Variants in ZSCAN25 observed in about 807,000 individuals in gnomAD.
ZSCAN25 encodes zinc finger and SCAN domain-containing protein 25.
A neutral mutation model predicts 38.7 loss-of-function variants in ZSCAN25; 27 were observed. The ratio of observed to expected loss-of-function variants is 0.70; its 90% CI spans 0.51 to 0.96. The LOEUF (loss-of-function observed/expected upper bound fraction) is 0.96. Among genes scored for constraint, ZSCAN25 ranks in the 40% least tolerant of loss-of-function variants. ZSCAN25 has a pLI of 0.00. For missense variants in ZSCAN25, 637 were observed against 705.9 expected (o/e 0.90, Z 1.11); for synonymous variants, 273 against 277.7 (o/e 0.98, Z 0.17).
At chr7:99,667,415 G>A in the ZSCAN25 span, among the ~76,000 whole-genome samples, 2 of 152,218 alleles carry the variant, frequency 1.3e-5, no homozygotes, top group Non-Finnish European at 2.9e-5. Flanking sequence ...GAGTAGAAAA[G>A]GATTGGTGAC....
At chr7:99,688,852 G>A in the ZSCAN25 span, among the ~76,000 whole-genome samples, 14 of 152,212 alleles carry the variant, frequency 9.2e-5, no homozygotes, top group African/African-American at 3.1e-4. Context: ...TAGAACTCAG[G>A]ATTAAGAAGC....
At chr7:99,628,909 G>T (rs1807728013) in intron 7 of ZSCAN25, among the ~76,000 whole-genome samples, 1 of 152,210 alleles carries the variant, frequency 6.6e-6, no homozygotes, top group Admixed American at 6.5e-5. Context: ...AATAATCGTG[G>T]TGAGTGTCTT....
At chr7:99,653,492 G>A in the ZSCAN25 span, among the ~76,000 whole-genome samples, 3 of 122,632 alleles carry the variant, frequency 2.4e-5, 1 homozygote, top group Non-Finnish European at 5.0e-5. The surrounding 1 kb of genome is among the most constrained non-coding windows in gnomAD (Gnocchi z 4.2). Context: ...TAAATTTGTG[G>A]ATAAACTTGT....
intron 1 of ZSCAN25, chr7:99,618,017 G>A (rs1366611212): frequency 6.6e-6 from 1 of 152,202 alleles, no homozygotes; most frequent in African/African-American, 2.4e-5. Flanking sequence ...GTTTAAGTGG[G>A]GGTAGATAAA....
chr7:99,735,128 C>CT, the ZSCAN25 span: 5 of 1,613,236 alleles, frequency 3.1e-6, no homozygotes, highest in Admixed American at 1.7e-5. Context: ...TCCTCTGAGT[C>CT]TTTTTTTCAG....
intron 1 of ZSCAN25, among the ~76,000 whole-genome samples, chr7:99,617,422 A>C (rs2151241422): frequency 6.6e-6 from 1 of 152,322 alleles, no homozygotes; most frequent in African/African-American, 2.4e-5. Context: ...GTCTCTACAA[A>C]AATTGAAAAG....
the ZSCAN25 span, among the ~76,000 whole-genome samples, chr7:99,732,566 T>G: frequency 1.7e-4 from 26 of 152,304 alleles, no homozygotes; most frequent in Admixed American, 1.2e-3. Context: ...CCATCTTTGA[T>G]GGGCCATGTA....
chr7:99,638,092 C>T, the ZSCAN25 span: 1 of 755,546 alleles, frequency 1.3e-6, no homozygotes, highest in East Asian at 2.8e-5. Context: ...CAGAAGACCC[C>T]CAAGCCCTCT....
the ZSCAN25 span, chr7:99,700,097 C>T: frequency 8.5e-7 from 1 of 1,173,304 alleles, no homozygotes; most frequent in Non-Finnish European, 1.3e-6. Flanking sequence ...CTGTTGTTTG[C>T]TGGGCTGTCT....
chr7:99,732,403 G>A, the ZSCAN25 span, among the ~76,000 whole-genome samples: 5 of 151,894 alleles, frequency 3.3e-5, no homozygotes, highest in African/African-American at 1.2e-4. Flanking sequence ...TTTTTTTATA[G>A]CAATGGAAGA....
chr7:99,732,915 C>T, the ZSCAN25 span, among the ~76,000 whole-genome samples: 1 of 152,172 alleles, frequency 6.6e-6, no homozygotes, highest in East Asian at 1.9e-4. Context: ...TGAATTAAGA[C>T]CTTGTTTTCT....
chr7:99,730,521 T>A, the ZSCAN25 span: 1 of 154,554 alleles, frequency 6.5e-6, no homozygotes. Context: ...CCAACAAAAT[T>A]TGGCATTTTT....
chr7:99,671,653 G>A, the ZSCAN25 span: 1 of 584,884 alleles, frequency 1.7e-6, no homozygotes, highest in Non-Finnish European at 3.0e-6. Context: ...AAAAAGCAAT[G>A]TAGGAAGGAG....
chr7:99,720,185 G>T, the ZSCAN25 span: 1 of 1,123,510 alleles, frequency 8.9e-7, no homozygotes, highest in Non-Finnish European at 1.3e-6. Context: ...ATGGGGGATG[G>T]GCAGGATGAA....
At chr7:99,700,025 T>C in the ZSCAN25 span, 2 of 1,608,810 alleles carry the variant, frequency 1.2e-6, no homozygotes, top group Non-Finnish European at 1.7e-6. Flanking sequence ...AAATTTGGGA[T>C]GAGGTCCATC....
the ZSCAN25 span, chr7:99,720,246 A>G: frequency 1.3e-6 from 2 of 1,577,918 alleles, no homozygotes; most frequent in Non-Finnish European, 1.7e-6. Context: ...CTATGAATAT[A>G]TAAGAATTTT....
chr7:99,700,019 T>A, the ZSCAN25 span: 1 of 1,611,442 alleles, frequency 6.2e-7, no homozygotes. Flanking sequence ...ACCGCCAAAT[T>A]TGGGATGAGG....
chr7:99,730,008 A>G, the ZSCAN25 span, among the ~76,000 whole-genome samples: 1 of 152,202 alleles, frequency 6.6e-6, no homozygotes, highest in Admixed American at 6.5e-5. Flanking sequence ...CAAAGCCCTC[A>G]CTTAGGAGAA....
At chr7:99,669,330 C>A in the ZSCAN25 span, among the ~76,000 whole-genome samples, 1 of 151,936 alleles carries the variant, frequency 6.6e-6, no homozygotes. Context: ...GACAAAATAG[C>A]AGAACTGAAA....
Sources: gnomAD v4.1 joint callset for allele counts (sites outside exome capture counted in the v4.1 genomes callset) on GRCh38, gnomAD v4.1.1 for gene constraint, Gnocchi (gnomAD v3.1) non-coding constraint, MANE v1.5 for transcripts, NCBI Gene and HGNC (gene_info 2026-07-23, HGNC 2026-07-21) for gene names.